Variants in MBNL1 observed in about 807,000 individuals in gnomAD.
MBNL1 encodes the protein muscleblind-like protein 1.
In MBNL1, 8 loss-of-function variants were observed where a neutral mutation model predicts 42.2. That is an observed-to-expected ratio of 0.19 (90% CI 0.11 to 0.34). The LOEUF is 0.34. MBNL1 is among the 10% of genes least tolerant of loss of function. The pLI is 1.00. For missense variants in MBNL1, 309 were observed against 495.3 expected (o/e 0.62, Z 3.57); for synonymous variants, 169 against 173.9 (o/e 0.97, Z 0.22).
At chr3:152,421,542 G>A (rs116823388) in intron 3 of MBNL1, among the ~76,000 whole-genome samples, 11,075 of 152,248 alleles carry the variant, frequency 0.073, 531 homozygotes, top group Middle Eastern at 0.16. Flanking sequence ...AAACAAAGCC[G>A]CTGATAAGTT....
chr3:152,332,441 A>G (rs1284034478), intron 2 of MBNL1, among the ~76,000 whole-genome samples: 1 of 152,216 alleles, frequency 6.6e-6, no homozygotes, highest in East Asian at 1.9e-4. Context: ...CTGCAAAAAA[A>G]TGTAGTTGTC....
At chr3:152,434,749 G>A (rs1385654983) in intron 4 of MBNL1, among the ~76,000 whole-genome samples, 1 of 152,082 alleles carries the variant, frequency 6.6e-6, no homozygotes, top group African/African-American at 2.4e-5. Flanking sequence ...ATTTTAACTG[G>A]TGTGAGATGG....
At chr3:152,308,341 G>A (rs1348654627) in intron 2 of MBNL1, among the ~76,000 whole-genome samples, 2 of 152,184 alleles carry the variant, frequency 1.3e-5, no homozygotes, top group African/African-American at 4.8e-5. Context: ...TCAGTTTAGG[G>A]TTCCAGAAAT....
intron 1 of MBNL1, among the ~76,000 whole-genome samples, chr3:152,292,881 G>C (rs1291142816): frequency 6.6e-6 from 1 of 151,320 alleles, no homozygotes; most frequent in Non-Finnish European, 1.5e-5. Flanking sequence ...CAATCCTCCT[G>C]CCTCAGCCTC....
Position 152,329,487 on chromosome 3 carries a change from A to C in MBNL1, c.174+29120A>C, listed in dbSNP as rs185125131. Among the ~76,000 whole-genome samples the C allele has an allele frequency of 4.0e-3, 592 of 149,096 alleles. 1 individual carries two copies. The highest frequency in any genetic ancestry group is 0.014 in the African/African-American group (563 of 40,110). On this transcript the variant is annotated intron_variant, in intron 2 of 9. Coordinates refer to ENST00000324210, the MANE Select transcript of MBNL1 (RefSeq NM_021038.5). The stretch of plus-strand genomic sequence containing the variant: ...ACCAAAAAGAAAAGAAAAGGAAAAG[A>C]AAAGAAAAAAAATTAGCCAGGCATG...
chr3:152,407,620 TA>T (rs1208352349), intron 2 of MBNL1, among the ~76,000 whole-genome samples: 5 of 152,180 alleles, frequency 3.3e-5, no homozygotes, highest in South Asian at 2.1e-4. Context: ...AATTATGTAA[TA>T]AAAAAATCCT....
intron 3 of MBNL1, among the ~76,000 whole-genome samples, chr3:152,424,082 A>C (rs1331047711): frequency 6.6e-6 from 1 of 152,230 alleles, no homozygotes; most frequent in Non-Finnish European, 1.5e-5. Flanking sequence ...TGGCCAGGGC[A>C]ATCAGGCAAG....
At chr3:152,272,910 T>G (rs1269547187) in intron 1 of MBNL1, among the ~76,000 whole-genome samples, 5 of 152,228 alleles carry the variant, frequency 3.3e-5, no homozygotes, top group Admixed American at 6.5e-5. Context: ...AATGTGGTTC[T>G]TTTCTAGCCA....
intron 2 of MBNL1, among the ~76,000 whole-genome samples, chr3:152,245,885 C>T (rs571799919): frequency 4.6e-5 from 7 of 152,184 alleles, no homozygotes; most frequent in African/African-American, 7.2e-5. Flanking sequence ...GTTAGAAATC[C>T]GTTACAATTG....
At chr3:152,385,496 ATAAT>A (rs1047320890) in intron 2 of MBNL1, among the ~76,000 whole-genome samples, 3 of 152,060 alleles carry the variant, frequency 2.0e-5, no homozygotes, top group Non-Finnish European at 1.5e-5. Context: ...CTATTTCTGG[ATAAT>A]TAATGATGGA....
At chr3:152,320,007 T>G (rs2075412895) in intron 2 of MBNL1, among the ~76,000 whole-genome samples, 1 of 152,156 alleles carries the variant, frequency 6.6e-6, no homozygotes, top group African/African-American at 2.4e-5. Context: ...TATTCTTGAT[T>G]TTACAGTTAA....
intron 2 of MBNL1, chr3:152,335,058 G>T: frequency 8.0e-7 from 1 of 1,244,130 alleles, no homozygotes; most frequent in Non-Finnish European, 1.0e-6. Flanking sequence ...TGCTAATATT[G>T]CTGGGAAGGA....
At chr3:152,284,897 C>A (rs1299071677) in intron 1 of MBNL1, among the ~76,000 whole-genome samples, 1 of 152,108 alleles carries the variant, frequency 6.6e-6, no homozygotes, top group Non-Finnish European at 1.5e-5. Flanking sequence ...ACTTCCTTGA[C>A]AATTAATCTT....
intron 4 of MBNL1, among the ~76,000 whole-genome samples, chr3:152,436,010 C>G (rs1171846797): frequency 1.3e-5 from 2 of 152,136 alleles, no homozygotes; most frequent in African/African-American, 2.4e-5. Flanking sequence ...TTGACTTCCT[C>G]TCTTCCTATT....
chr3:152,286,581 T>C (rs2052403388), intron 1 of MBNL1, among the ~76,000 whole-genome samples: 1 of 144,392 alleles, frequency 6.9e-6, no homozygotes, highest in Non-Finnish European at 1.5e-5. Context: ...AATATAAATA[T>C]TTAATTATAT....
intron 3 of MBNL1, among the ~76,000 whole-genome samples, chr3:152,431,190 A>T (rs1390064362): frequency 6.6e-6 from 1 of 152,100 alleles, no homozygotes. Flanking sequence ...GCTGTCTTGT[A>T]TGTTGTAGGA....
rs191427931 is a variant in MBNL1 at position 152,286,080 on chromosome 3, C to T, written c.-789-13325C>T. ...GGGCATTATGTAATGAAGGAGCATA[C>T]ATTTTTAGTTTTATCCAGGATAAAA... On this transcript the variant is annotated intron_variant, in intron 1 of 9. Transcript: ENST00000324210. 3.9e-3 allele frequency among the ~76,000 whole-genome samples: 588 copies of T among 151,660 alleles called. 3 individuals are homozygous for T. The highest frequency in any genetic ancestry group is 6.4e-3 in the Non-Finnish European group (437 of 67,878).
chr3:152,245,231 G>A (rs1006863731), intron 2 of MBNL1, among the ~76,000 whole-genome samples: 12 of 152,022 alleles, frequency 7.9e-5, no homozygotes, highest in African/African-American at 2.7e-4. Flanking sequence ...CACTAATCCA[G>A]AATAATACCT....
rs751013661 is a variant in MBNL1 at position 152,459,365 on chromosome 3, T to C, written c.*18+20T>C. Reference sequence around the variant, plus strand: ...TAAACAGTAAGTTCATTATGTAATATATAGTTGCATATTTGTGGTGGTTTT... The same window carrying C: ...TAAACAGTAAGTTCATTATGTAATACATAGTTGCATATTTGTGGTGGTTTT... On this transcript the variant is annotated intron_variant, in intron 9 of 9. Coordinates refer to ENST00000324210, the MANE Select transcript of MBNL1 (RefSeq NM_021038.5). 2.2e-6 allele frequency: 3 copies of C among 1,364,062 alleles called. No individual in the cohort carries two copies. The East Asian group carries it at 7.4e-5, about 34-fold the overall frequency. 84.5% of individuals were successfully genotyped at this position (1,364,062 alleles called of 1,614,324 possible). A position where few individuals can be genotyped will look rare whatever the true frequency, so the allele number is the denominator to read the frequency against.
Sources: gnomAD v4.1 joint callset for allele counts (sites outside exome capture counted in the v4.1 genomes callset) on GRCh38, gnomAD v4.1.1 for gene constraint, MANE v1.5 for transcripts, NCBI Gene and HGNC (gene_info 2026-07-23, HGNC 2026-07-21) for gene names.